MBP: variants seen among roughly 807,000 people sequenced by gnomAD.
MBP encodes Golli-MBP.
In MBP, 16 loss-of-function variants were observed where a neutral mutation model predicts 35.8. That is an observed-to-expected ratio of 0.45 (90% CI 0.30 to 0.68). The LOEUF is 0.68. Among genes scored for constraint, MBP ranks in the 30% least tolerant of loss-of-function variants. The pLI, the probability that MBP is intolerant of heterozygous loss-of-function variation, is 0.08. For missense variants in MBP, 380 were observed against 404.7 expected (o/e 0.94, Z 0.52); for synonymous variants, 143 against 159.6 (o/e 0.90, Z 0.78).
chr18:76,995,280 G>T (rs528264162), intron 4 of MBP, among the ~76,000 whole-genome samples: 1 of 152,290 alleles, frequency 6.6e-6, no homozygotes, highest in Admixed American at 6.5e-5. Flanking sequence ...CGATCTACAG[G>T]TTTAATGAAA....
intron 7 of MBP, 73 bp from the exon 8 acceptor site, chr18:76,984,967 C>T: frequency 6.3e-7 from 1 of 1,590,428 alleles, no homozygotes; most frequent in East Asian, 2.2e-5. Context: ...CTGGGAGCTG[C>T]CACCAGGGCC....
chr18:77,066,070 C>T (rs896357724), intron 3 of MBP: 14 of 489,082 alleles, frequency 2.9e-5, no homozygotes, highest in Non-Finnish European at 4.7e-5. Context: ...ATTGTGTTGC[C>T]CGGGCTGGTC....
intron 3 of MBP, among the ~76,000 whole-genome samples, chr18:77,039,870 A>G (rs1398915872): frequency 6.6e-6 from 1 of 152,246 alleles, no homozygotes; most frequent in East Asian, 1.9e-4. Flanking sequence ...CGGTCACCCG[A>G]ATACAGTTCT....
chr18:77,023,006 G>A (rs181672403), intron 3 of MBP, among the ~76,000 whole-genome samples: 1 of 152,320 alleles, frequency 6.6e-6, no homozygotes, highest in East Asian at 1.9e-4. Flanking sequence ...TCCAAAATAT[G>A]TACTTATAAT....
In MBP at chr18:77,066,169, T is replaced by C. The variant is rs1265607921; in HGVS notation, c.139+129A>G. The C allele has an allele frequency of 4.4e-6, 3 of 678,428 alleles. No individual in the cohort carries two copies. In the African/African-American group the frequency reaches 5.5e-5, roughly 12 times the overall value. The allele number at this position is 678,428 out of a possible 1,614,324, so 42.0% of individuals were successfully genotyped here. ...GAAGCAATGATCCCAGCCTCTATGT[T>C]TTAGTAATGAGTACAGACAGATCCA... On this transcript the variant is annotated intron_variant, in intron 3 of 8. Coordinates refer to ENST00000355994, the MANE Select transcript of MBP (RefSeq NM_001025101.2).
chr18:77,092,204 C>A (rs1173362693), intron 2 of MBP, among the ~76,000 whole-genome samples: 1 of 152,280 alleles, frequency 6.6e-6, no homozygotes, highest in Non-Finnish European at 1.5e-5. Context: ...TGGCACAGTG[C>A]GCGGCGCCTC....
chr18:77,047,361 T>C (rs1462353901), intron 3 of MBP, among the ~76,000 whole-genome samples: 1 of 152,154 alleles, frequency 6.6e-6, no homozygotes, highest in Non-Finnish European at 1.5e-5. Flanking sequence ...ACCAGCATTG[T>C]GTGAAGTGAA....
At chr18:77,077,347 G>C (rs1974703307) in intron 2 of MBP, among the ~76,000 whole-genome samples, 1 of 107,024 alleles carries the variant, frequency 9.3e-6, no homozygotes. Flanking sequence ...ACAAGAGTGA[G>C]ACTCCGTCGC....
At chr18:76,995,057 G>A (rs1970195049) in intron 4 of MBP, among the ~76,000 whole-genome samples, 1 of 152,040 alleles carries the variant, frequency 6.6e-6, no homozygotes, top group South Asian at 2.1e-4. Context: ...CTACATCCAA[G>A]TAATGAACAA....
chr18:77,090,746 C>T (rs1009624654), intron 2 of MBP, among the ~76,000 whole-genome samples: 5 of 152,210 alleles, frequency 3.3e-5, no homozygotes, highest in African/African-American at 7.2e-5. Flanking sequence ...CCAGGCTCAG[C>T]GGCGGACTCT....
intron 4 of MBP, among the ~76,000 whole-genome samples, chr18:77,001,619 G>A (rs1407820165): frequency 6.6e-6 from 1 of 152,238 alleles, no homozygotes; most frequent in African/African-American, 2.4e-5. Flanking sequence ...GGGAGGCCAA[G>A]GCGGGTGGAT....
chr18:77,058,534 C>T (rs944624807), intron 3 of MBP, among the ~76,000 whole-genome samples: 1 of 152,220 alleles, frequency 6.6e-6, no homozygotes, highest in Admixed American at 6.5e-5. Context: ...CCACAGGGGA[C>T]GAGCTGTTCC....
rs763116257 is a variant in MBP, at chr18:77,081,819, TAC to T, written c.52-15436_52-15435del. ...GTATATATATATGCACACACATATA[TAC>T]ACACACACACACACACACACATATA... On this transcript the variant is annotated intron_variant, in intron 2 of 8. Coordinates refer to ENST00000355994, the MANE Select transcript of MBP (RefSeq NM_001025101.2). Among the ~76,000 whole-genome samples the T allele has an allele frequency of 1.4e-3, 109 of 76,284 alleles. 1 individual carries two copies. The highest frequency in any genetic ancestry group is 2.5e-3 in the African/African-American group (60 of 24,288). 50.0% of individuals were successfully genotyped at this position (76,284 alleles called of 152,430 possible).
intron 2 of MBP, among the ~76,000 whole-genome samples, chr18:77,083,714 T>C (rs1789128): frequency 0.76 from 115,736 of 152,102 alleles, 44,508 homozygotes; most frequent in East Asian, 0.83. Flanking sequence ...CATGGATGAA[T>C]CCTGAAAACA....
chr18:77,132,311 G>A (rs1170075320), intron 1 of MBP, among the ~76,000 whole-genome samples: 1 of 152,178 alleles, frequency 6.6e-6, no homozygotes, highest in African/African-American at 2.4e-5. Flanking sequence ...AATGGGGATC[G>A]GGGGCGGCGA....
At chr18:77,089,910 C>T (rs987118974) in intron 2 of MBP, among the ~76,000 whole-genome samples, 3 of 152,148 alleles carry the variant, frequency 2.0e-5, no homozygotes, top group Admixed American at 1.3e-4. Context: ...CCCCACATCA[C>T]CTAGAATGGC....
rs1969701950 is a variant in MBP at position 76,988,557 on chromosome 18, ATGG to A, written c.718-33_718-31del. The A allele has an allele frequency of 6.2e-7, 1 of 1,603,258 alleles. No individual in the cohort carries two copies. On this transcript the variant is annotated intron_variant, in intron 6 of 8. Transcript: ENST00000355994. The surrounding 1 kb of genome is among the most constrained non-coding windows in gnomAD (Gnocchi z 5.2). Reference sequence around the variant, plus strand: ...ATGAGGAAGACAGAGAAATAATGACATGGTGGTCAGTGAAGGGAAAGTCCTTTC... The same window carrying A: ...ATGAGGAAGACAGAGAAATAATGACATGGTCAGTGAAGGGAAAGTCCTTTC...
chr18:76,987,352 G>GT (rs1568265533), intron 7 of MBP: 1 of 985,270 alleles, frequency 1.0e-6, no homozygotes, highest in African/African-American at 1.7e-5. Flanking sequence ...GATTGTCATC[G>GT]TTTTGCAAAT....
intron 2 of MBP, among the ~76,000 whole-genome samples, chr18:77,095,709 C>T (rs1477287229): frequency 1.3e-5 from 2 of 152,234 alleles, no homozygotes; most frequent in Admixed American, 6.5e-5. Flanking sequence ...GCTTTTCCTG[C>T]CCCCTTCACA....
Sources: allele counts gnomAD v4.1 joint callset (sites outside exome capture counted in the v4.1 genomes callset), GRCh38; gene constraint gnomAD v4.1.1; non-coding constraint Gnocchi (gnomAD v3.1); transcripts MANE v1.5; gene names NCBI Gene and HGNC (gene_info 2026-07-23, HGNC 2026-07-21).